AUTS2: variants seen among roughly 807,000 people sequenced by gnomAD.
The protein encoded by AUTS2 is autism susceptibility gene 2 protein.
In AUTS2, 17 loss-of-function variants were observed where a neutral mutation model predicts 112.4. That is an observed-to-expected ratio of 0.15 (90% confidence interval 0.10 to 0.23). AUTS2 has a LOEUF of 0.23. Among genes scored for constraint, AUTS2 ranks in the 10% least tolerant of loss-of-function variants. The pLI is 1.00. For synonymous variants in AUTS2, 751 were observed against 702.7 expected (o/e 1.07, Z -1.09); for missense variants, 1,510 against 1,701.6 (o/e 0.89, Z 1.98).
chr7:70,376,651 T>C (rs1478094204), intron 4 of AUTS2, among the ~76,000 whole-genome samples: 2 of 151,242 alleles, frequency 1.3e-5, no homozygotes, highest in African/African-American at 4.9e-5. Context: ...TGGTGTGAAA[T>C]GGTGTTTCCA....
chr7:70,709,580 A>G (rs996593647), intron 6 of AUTS2, among the ~76,000 whole-genome samples: 2 of 152,116 alleles, frequency 1.3e-5, no homozygotes, highest in South Asian at 4.1e-4. Flanking sequence ...GCATGGTGGC[A>G]CACGCCTGTA....
intron 4 of AUTS2, among the ~76,000 whole-genome samples, chr7:70,383,194 G>C (rs190018438): frequency 6.6e-6 from 1 of 152,008 alleles, no homozygotes; most frequent in South Asian, 2.1e-4. Flanking sequence ...AGTAGAAGAT[G>C]AGAGGAGGAG....
chr7:70,029,260 CTTTTTTTT>C (rs34751901), intron 2 of AUTS2, among the ~76,000 whole-genome samples: 3 of 124,814 alleles, frequency 2.4e-5, no homozygotes, highest in Non-Finnish European at 3.4e-5. Context: ...TCCAGGGATA[CTTTTTTTT>C]TTTTTTTTTT....
intron 1 of AUTS2, among the ~76,000 whole-genome samples, chr7:69,650,216 A>G (rs2851507): frequency 0.62 from 93,552 of 152,098 alleles, 29,089 homozygotes; most frequent in East Asian, 0.7. Flanking sequence ...GGTACTACCC[A>G]CAGACTGGAG....
At chr7:70,374,870 G>A (rs912711968) in intron 4 of AUTS2, among the ~76,000 whole-genome samples, 3 of 152,134 alleles carry the variant, frequency 2.0e-5, no homozygotes, top group African/African-American at 7.2e-5. Context: ...ACCGTAAGTA[G>A]ATGAGGCAAG....
chr7:70,528,051 A>G (rs1275589386), intron 5 of AUTS2, among the ~76,000 whole-genome samples: 1 of 149,664 alleles, frequency 6.7e-6, no homozygotes, highest in Admixed American at 6.7e-5. Context: ...AACATAGACC[A>G]TTAATTCCCT....
intron 2 of AUTS2, among the ~76,000 whole-genome samples, chr7:70,002,447 TA>T (rs761090019): frequency 5.1e-4 from 78 of 152,276 alleles, no homozygotes; most frequent in Non-Finnish European, 1.0e-3. Context: ...ATTTTTGTCT[TA>T]GACTAGGATG....
At chr7:69,772,073 C>A (rs1332960563) in intron 1 of AUTS2, among the ~76,000 whole-genome samples, 1 of 151,826 alleles carries the variant, frequency 6.6e-6, no homozygotes, top group African/African-American at 2.4e-5. Flanking sequence ...GCATGAGCCA[C>A]CCCACCCGGC....
chr7:70,493,314 A>G (rs1322933098), intron 5 of AUTS2, among the ~76,000 whole-genome samples: 1 of 152,234 alleles, frequency 6.6e-6, no homozygotes. Context: ...TAGATCTTGC[A>G]TGCAGTAGCA....
At chr7:69,995,596 C>T (rs1013361916) in intron 2 of AUTS2, among the ~76,000 whole-genome samples, 1 of 152,092 alleles carries the variant, frequency 6.6e-6, no homozygotes, top group Non-Finnish European at 1.5e-5. Context: ...CTTTGTGTAC[C>T]CAGCAGTATC....
At chr7:70,777,218 G>A in intron 14 of AUTS2, 44 bp downstream of exon 14, 1 of 1,554,182 alleles carries the variant, frequency 6.4e-7, no homozygotes, top group Middle Eastern at 1.7e-4. Flanking sequence ...GGATGCACAT[G>A]TGAGTGTGTG....
At chr7:70,038,089 A>G (rs1458157865) in intron 2 of AUTS2, among the ~76,000 whole-genome samples, 1 of 151,736 alleles carries the variant, frequency 6.6e-6, no homozygotes, top group Non-Finnish European at 1.5e-5. Flanking sequence ...AATGGCATTG[A>G]CAGAGTGGTT....
Position 70,116,006 on chromosome 7 carries a change from C to T in AUTS2, c.523-2126C>T, listed in dbSNP as rs941798823. 6.6e-5 allele frequency among the ~76,000 whole-genome samples: 10 copies of T among 152,058 alleles called. No homozygotes were observed. In the East Asian group the frequency reaches 1.4e-3, roughly 21 times the overall value. ...AAACGTTCAGGGAATGGAGACAAGG[C>T]GATGTTCATTGTAGATTAAATCTCT... On this transcript the variant is annotated intron_variant, in intron 2 of 18. Coordinates refer to ENST00000342771, the MANE Select transcript of AUTS2 (RefSeq NM_015570.4).
intron 4 of AUTS2, among the ~76,000 whole-genome samples, chr7:70,393,706 T>C (rs552367691): frequency 1.3e-5 from 2 of 152,172 alleles, no homozygotes; most frequent in Non-Finnish European, 2.9e-5. Context: ...AGCTGATATG[T>C]TCTGCTTTTG....
In AUTS2 at chr7:70,053,544, G is replaced by GTTTTTTT. The variant is rs200867539; in HGVS notation, c.523-64582_523-64576dup. 1.2e-4 allele frequency among the ~76,000 whole-genome samples: 15 copies of GTTTTTTT among 127,836 alleles called. 2 individuals carry two copies. The East Asian group carries it at 1.4e-3, about 12-fold the overall frequency. 83.9% of individuals were successfully genotyped at this position (127,836 alleles called of 152,430 possible). ...ATTGTGGCAACCACTGTTTTGGGTGGTTTTTTTTTTTTGGAGACAGGATCT... is the reference window on the plus strand; with the variant it reads ...ATTGTGGCAACCACTGTTTTGGGTGGTTTTTTTTTTTTTTTTTTTGGAGACAGGATCT... On this transcript the variant is annotated intron_variant, in intron 2 of 18. Coordinates refer to ENST00000342771, the MANE Select transcript of AUTS2 (RefSeq NM_015570.4).
At chr7:70,429,443 G>A (rs1795561271) in intron 4 of AUTS2, among the ~76,000 whole-genome samples, 1 of 152,236 alleles carries the variant, frequency 6.6e-6, no homozygotes, top group Non-Finnish European at 1.5e-5. Context: ...TTTTGAAGGT[G>A]AATGTCAGGC....
Position 69,599,287 on chromosome 7 carries a change from T to G in AUTS2, c.-367T>G. On this transcript the variant is annotated 5_prime_UTR_variant, in exon 1 of 19. Coordinates refer to ENST00000342771, the MANE Select transcript of AUTS2 (RefSeq NM_015570.4). This position sits in a 1 kb window ranked among gnomAD's most constrained non-coding sequence, Gnocchi z 7.0. Reference sequence around the variant, plus strand: ...TGATCAAAGCATTCCGCTATTCTGATTTATTGCTTGCTTGGTGAGTTATTT... The same window carrying G: ...TGATCAAAGCATTCCGCTATTCTGAGTTATTGCTTGCTTGGTGAGTTATTT... 5.2e-5 allele frequency: 9 copies of G among 172,498 alleles called. No individual in the cohort carries two copies. The highest frequency in any genetic ancestry group is 3.0e-4 in the East Asian group (2 of 6,778). The allele number at this position is 172,498 out of a possible 1,614,324, so 10.7% of individuals were successfully genotyped here.
intron 1 of AUTS2, among the ~76,000 whole-genome samples, chr7:69,603,399 A>G (rs987481292): frequency 1.3e-5 from 2 of 152,238 alleles, no homozygotes; most frequent in African/African-American, 4.8e-5. Context: ...TTTTACTGAT[A>G]CTGGAGTAAA....
intron 1 of AUTS2, among the ~76,000 whole-genome samples, chr7:69,636,136 TA>T (rs1177720348): frequency 2.0e-5 from 3 of 152,252 alleles, no homozygotes; most frequent in Admixed American, 6.5e-5. Flanking sequence ...TTTATTTTTC[TA>T]ATTTAAAAAA....
Sources: allele counts gnomAD v4.1 joint callset (sites outside exome capture counted in the v4.1 genomes callset), GRCh38; gene constraint gnomAD v4.1.1; non-coding constraint Gnocchi (gnomAD v3.1); transcripts MANE v1.5; gene names NCBI Gene and HGNC (gene_info 2026-07-23, HGNC 2026-07-21).